Variants in CDH13 observed in about 807,000 individuals in gnomAD.
The protein encoded by CDH13 is cadherin-13.
A neutral mutation model predicts 63.8 loss-of-function variants in CDH13; 24 were observed. That is an observed-to-expected ratio of 0.38 (90% CI 0.27 to 0.53). The LOEUF is 0.53. Among genes scored for constraint, CDH13 ranks in the 20% least tolerant of loss-of-function variants. The probability of loss-of-function intolerance (pLI) is 0.85; values close to 1 mark genes in which losing one functional copy is unlikely to be tolerated. For missense variants in CDH13, 1,049 were observed against 903.1 expected (o/e 1.16, Z -2.07); for synonymous variants, 503 against 355.3 (o/e 1.42, Z -4.67).
At chr16:82,691,097 T>G (rs1401628285) in intron 1 of CDH13, among the ~76,000 whole-genome samples, 1 of 152,208 alleles carries the variant, frequency 6.6e-6, no homozygotes, top group Admixed American at 6.5e-5. Flanking sequence ...GCATCTATGG[T>G]GTACCAGGCG....
At chr16:83,581,550 G>T (rs1905600400) in intron 7 of CDH13, among the ~76,000 whole-genome samples, 1 of 152,154 alleles carries the variant, frequency 6.6e-6, no homozygotes, top group African/African-American at 2.4e-5. Context: ...CAGGCACAGT[G>T]GCTCACACCT....
intron 6 of CDH13, among the ~76,000 whole-genome samples, chr16:83,467,627 A>G (rs1387750880): frequency 1.3e-5 from 2 of 152,192 alleles, no homozygotes; most frequent in Non-Finnish European, 2.9e-5. Context: ...TTCTTTGGGC[A>G]CGAGACACCT....
intron 7 of CDH13, among the ~76,000 whole-genome samples, chr16:83,489,684 G>A (rs549278477): frequency 3.3e-5 from 5 of 152,228 alleles, no homozygotes; most frequent in African/African-American, 9.6e-5. Flanking sequence ...ACATGGATGC[G>A]ATACTTTCTT....
chr16:83,535,716 T>G (rs2075169951), intron 7 of CDH13, among the ~76,000 whole-genome samples: 1 of 152,040 alleles, frequency 6.6e-6, no homozygotes, highest in African/African-American at 2.4e-5. Context: ...TAATGTTCAT[T>G]TTTTTTGGAG....
At chr16:82,734,735 G>T (rs895519131) in intron 1 of CDH13, among the ~76,000 whole-genome samples, 5 of 152,208 alleles carry the variant, frequency 3.3e-5, no homozygotes, top group Non-Finnish European at 7.3e-5. Flanking sequence ...AATTGACCCT[G>T]TTTGGCCCAA....
chr16:82,805,642 T>C (rs2037103961), intron 1 of CDH13, among the ~76,000 whole-genome samples: 1 of 152,140 alleles, frequency 6.6e-6, no homozygotes, highest in Admixed American at 6.6e-5. Flanking sequence ...TCAAAAAGAC[T>C]TTGTAAAAAT....
intron 8 of CDH13, among the ~76,000 whole-genome samples, chr16:83,616,400 A>G (rs901994831): frequency 2.6e-5 from 4 of 152,120 alleles, no homozygotes; most frequent in Non-Finnish European, 4.4e-5. Flanking sequence ...GTGAACCTCT[A>G]TGCGAATTCC....
Position 83,729,218 on chromosome 16 carries a change from T to C in CDH13, c.1539-18890T>C, listed in dbSNP as rs148712930. Among the ~76,000 whole-genome samples, 277 of 152,310 alleles carry C rather than the reference T, an allele frequency of 1.8e-3. 3 individuals are homozygous for C. Among genetic ancestry groups the C allele is most frequent in the Non-Finnish European group, 1.4e-3 (98 of 68,034 alleles). The stretch of plus-strand genomic sequence containing the variant: ...GTTCACAAGTATAAAATGGATATAT[T>C]ATTTATGTGCATATACATCATATAC... On this transcript the variant is annotated intron_variant, in intron 10 of 13. Coordinates refer to ENST00000567109, the MANE Select transcript of CDH13 (RefSeq NM_001257.5).
intron 7 of CDH13, among the ~76,000 whole-genome samples, chr16:83,491,574 T>C (rs1290980766): frequency 6.6e-6 from 1 of 152,008 alleles, no homozygotes; most frequent in Non-Finnish European, 1.5e-5. Context: ...CAGGGTTTTT[T>C]TTTTTTTTCT....
At chr16:82,838,500 A>C (rs1015289103) in intron 1 of CDH13, among the ~76,000 whole-genome samples, 1 of 152,178 alleles carries the variant, frequency 6.6e-6, no homozygotes, top group Non-Finnish European at 1.5e-5. Context: ...TGTTGAAAAA[A>C]GTTTTTAGAA....
At chr16:83,157,800 C>T (rs962674959) in intron 4 of CDH13, among the ~76,000 whole-genome samples, 22 of 149,118 alleles carry the variant, frequency 1.5e-4, no homozygotes, top group African/African-American at 3.9e-4. Flanking sequence ...GTAGTCCCAG[C>T]AACTCGGGAG....
intron 1 of CDH13, among the ~76,000 whole-genome samples, chr16:82,765,888 A>G (rs1269696420): frequency 6.6e-6 from 1 of 152,194 alleles, no homozygotes. Flanking sequence ...AATTATCCCC[A>G]TTATATGAGA....
At chr16:83,153,833 T>A (rs2037092561) in intron 4 of CDH13, among the ~76,000 whole-genome samples, 1 of 152,182 alleles carries the variant, frequency 6.6e-6, no homozygotes, top group Admixed American at 6.5e-5. Context: ...TTTTTTGTGG[T>A]AGGCCTAGGA....
intron 2 of CDH13, among the ~76,000 whole-genome samples, chr16:83,016,426 G>C (rs930896533): frequency 6.6e-6 from 1 of 152,136 alleles, no homozygotes; most frequent in Non-Finnish European, 1.5e-5. Context: ...CTCTTCTAGG[G>C]CTAGCACCAA....
rs577624747 is a variant in CDH13, at chr16:82,644,672, C to G, written c.45+17535C>G. On this transcript the variant is annotated intron_variant, in intron 1 of 13. Coordinates refer to ENST00000567109, the MANE Select transcript of CDH13 (RefSeq NM_001257.5). The surrounding 1 kb of genome is among the most constrained non-coding windows in gnomAD (Gnocchi z 5.7). Reference sequence around the variant, plus strand: ...CTTTGGGCTGGGGCAGAAGTCAGGACTTGAACTGGCTCTGGCTGGGACCCA... The same window carrying G: ...CTTTGGGCTGGGGCAGAAGTCAGGAGTTGAACTGGCTCTGGCTGGGACCCA... Among the ~76,000 whole-genome samples, 2 of 152,166 alleles carry G rather than the reference C, an allele frequency of 1.3e-5. No individual in the cohort carries two copies. Among genetic ancestry groups the G allele is most frequent in the African/African-American group, 4.8e-5 (2 of 41,444 alleles).
intron 2 of CDH13, among the ~76,000 whole-genome samples, chr16:83,015,724 A>ATATATATAG (rs1555562946): frequency 6.1e-5 from 3 of 49,096 alleles, no homozygotes; most frequent in African/African-American, 1.2e-4. Flanking sequence ...TATATATATA[A>ATATATATAG]AGAAAAAGCA....
intron 3 of CDH13, among the ~76,000 whole-genome samples, chr16:83,061,192 C>A (rs1279618694): frequency 2.6e-5 from 4 of 152,164 alleles, no homozygotes; most frequent in African/African-American, 9.7e-5. Flanking sequence ...TTCCAGGATC[C>A]TGGTCTAGTG....
intron 3 of CDH13, among the ~76,000 whole-genome samples, chr16:83,105,514 G>A (rs975671285): frequency 5.3e-5 from 8 of 152,186 alleles, no homozygotes; most frequent in Non-Finnish European, 1.0e-4. Context: ...AATGCCTCAG[G>A]TGTTAGGTAA....
At chr16:83,485,563 T>C (rs1454910844) in intron 6 of CDH13, among the ~76,000 whole-genome samples, 1 of 152,192 alleles carries the variant, frequency 6.6e-6, no homozygotes, top group East Asian at 1.9e-4. Context: ...TCTCATTCCC[T>C]TTAACTGGAA....
Sources: gnomAD v4.1 joint callset for allele counts (sites outside exome capture counted in the v4.1 genomes callset) on GRCh38, gnomAD v4.1.1 for gene constraint, Gnocchi (gnomAD v3.1) non-coding constraint, MANE v1.5 for transcripts, NCBI Gene and HGNC (gene_info 2026-07-23, HGNC 2026-07-21) for gene names.